Variants in SCML2 observed in about 807,000 individuals in gnomAD.
The protein encoded by SCML2 is sex comb on midleg-like protein 2.
Under a neutral mutation model 48.4 loss-of-function variants are expected in SCML2, and 6 were observed. The ratio of observed to expected loss-of-function variants is 0.12; its 90% CI spans 0.07 to 0.24. The LOEUF is 0.24. Among genes scored for constraint, SCML2 ranks in the 10% least tolerant of loss-of-function variants. The probability of loss-of-function intolerance (pLI) is 1.00; values close to 1 mark genes in which losing one functional copy is unlikely to be tolerated. For missense variants in SCML2, 377 were observed against 528.2 expected (o/e 0.71, Z 2.81); for synonymous variants, 181 against 189.5 (o/e 0.95, Z 0.37).
At chrX:18,291,574 C>T (rs754197269) in intron 7 of SCML2, among the ~76,000 whole-genome samples, 1 of 111,259 alleles carries the variant, frequency 9.0e-6, no homozygotes, top group Non-Finnish European at 1.9e-5. Context: ...ATAGATGCCT[C>T]GTTACATTTT....
chrX:18,286,971 G>A (rs1199121676), intron 7 of SCML2, among the ~76,000 whole-genome samples: 1 of 109,876 alleles, frequency 9.1e-6, no homozygotes, highest in Non-Finnish European at 1.9e-5. Flanking sequence ...TGAACCAGAG[G>A]GTTCTCTTCA....
At chrX:18,309,130 G>A (rs1928861116) in intron 6 of SCML2, among the ~76,000 whole-genome samples, 1 of 104,185 alleles carries the variant, frequency 9.6e-6, no homozygotes, top group African/African-American at 3.6e-5. Context: ...GAACCCGGGA[G>A]ACAGAGGATG....
rs1011740769 is a variant in SCML2, at chrX:18,239,323, C to A, written c.*1928G>T. 8.9e-6 allele frequency: 1 copy of A among 112,374 alleles called. No homozygotes were observed. Among genetic ancestry groups the A allele is most frequent in the Non-Finnish European group, 1.9e-5 (1 of 53,279 alleles). 9.3% of individuals were successfully genotyped at this position (112,374 alleles called of 1,213,427 possible). The stretch of plus-strand genomic sequence containing the variant: ...ATCTGAGGCTTTGAATGAATCGTTG[C>A]GATTAACTTTATTAATATTTTAAAA... On this transcript the variant is annotated 3_prime_UTR_variant, in exon 15 of 15. Coordinates refer to ENST00000251900, the MANE Select transcript of SCML2 (RefSeq NM_006089.3).
intron 7 of SCML2, among the ~76,000 whole-genome samples, chrX:18,299,933 T>C (rs911973300): frequency 1.8e-5 from 2 of 109,399 alleles, no homozygotes; most frequent in Non-Finnish European, 3.8e-5. Context: ...AGAGACAGAG[T>C]CTCACTGTGT....
At chrX:18,345,785 G>T (rs1180401536) in intron 1 of SCML2, among the ~76,000 whole-genome samples, 1 of 109,872 alleles carries the variant, frequency 9.1e-6, no homozygotes, top group African/African-American at 3.3e-5. Flanking sequence ...GGCATAATCA[G>T]GGCTCACTGC....
chrX:18,347,301 C>T (rs1186922551), intron 1 of SCML2, among the ~76,000 whole-genome samples: 1 of 108,379 alleles, frequency 9.2e-6, no homozygotes, highest in Non-Finnish European at 1.9e-5. Flanking sequence ...AAAAATTAGC[C>T]GGGTGTGGTG....
At chrX:18,329,759 T>C (rs1446760256) in intron 3 of SCML2, among the ~76,000 whole-genome samples, 1 of 112,549 alleles carries the variant, frequency 8.9e-6, no homozygotes, top group Non-Finnish European at 1.9e-5. Flanking sequence ...ATGAGATAAG[T>C]ACTATCATTA....
At chrX:18,270,913 C>G (rs185966014) in intron 7 of SCML2, among the ~76,000 whole-genome samples, 4 of 111,985 alleles carry the variant, frequency 3.6e-5, no homozygotes, top group Non-Finnish European at 7.5e-5. Flanking sequence ...TGCTACTCAT[C>G]TTTAATAAAA....
intron 7 of SCML2, among the ~76,000 whole-genome samples, chrX:18,267,710 C>T (rs921754734): frequency 1.8e-5 from 2 of 108,892 alleles, no homozygotes; most frequent in African/African-American, 3.4e-5. Context: ...CTCAGCATCC[C>T]GAGTAGCTGG....
Position 18,335,724 on chromosome X carries a change from C to T in SCML2, c.-24-1629G>A, listed in dbSNP as rs929067. On this transcript the variant is annotated intron_variant, in intron 1 of 14. Transcript: ENST00000251900. The stretch of plus-strand genomic sequence containing the variant: ...GAGTGAAAATACGTATACAGATGAT[C>T]GAAAATACATACTTGAAGAAAACCT... 7.3e-3 allele frequency among the ~76,000 whole-genome samples: 807 copies of T among 110,753 alleles called. 6 individuals carry two copies. The highest frequency in any genetic ancestry group is 0.026 in the African/African-American group (776 of 30,419).
chrX:18,292,057 A>G (rs1928249691), intron 7 of SCML2, among the ~76,000 whole-genome samples: 1 of 112,100 alleles, frequency 8.9e-6, no homozygotes, highest in Admixed American at 9.5e-5. Context: ...CAGGCAAACT[A>G]TAAAGGAATA....
chrX:18,244,695 CAATA>C (rs918325131), intron 13 of SCML2, among the ~76,000 whole-genome samples: 13 of 111,152 alleles, frequency 1.2e-4, no homozygotes, highest in African/African-American at 4.2e-4. Context: ...ACTGGCATAT[CAATA>C]AATATTTCTA....
intron 7 of SCML2, among the ~76,000 whole-genome samples, chrX:18,289,298 T>C (rs928516499): frequency 5.3e-5 from 6 of 112,361 alleles, no homozygotes; most frequent in Admixed American, 1.9e-4. Flanking sequence ...AAATTTTTTT[T>C]CCAAGATGCT....
intron 7 of SCML2, among the ~76,000 whole-genome samples, chrX:18,293,020 GAGAAA>G (rs972387322): frequency 1.8e-5 from 2 of 111,445 alleles, no homozygotes; most frequent in South Asian, 3.7e-4. Context: ...ATATGTGTAA[GAGAAA>G]AGAAAAGTAG....
intron 6 of SCML2, among the ~76,000 whole-genome samples, chrX:18,319,745 C>CA (rs1409735931): frequency 9.0e-6 from 1 of 111,618 alleles, no homozygotes. Flanking sequence ...GAAGCACCAA[C>CA]CCCCAACATA....
intron 6 of SCML2, among the ~76,000 whole-genome samples, chrX:18,308,398 G>A (rs5909174): frequency 0.21 from 22,415 of 107,432 alleles, 1,872 homozygotes; most frequent in Middle Eastern, 0.31. Context: ...CCTACAGAAA[G>A]GGAGAAAGAA....
chrX:18,278,079 G>C (rs1010011998), intron 7 of SCML2, among the ~76,000 whole-genome samples: 4 of 112,251 alleles, frequency 3.6e-5, no homozygotes, highest in Non-Finnish European at 7.5e-5. Flanking sequence ...GATCACTTGA[G>C]CCTGGAAGGC....
intron 11 of SCML2, among the ~76,000 whole-genome samples, chrX:18,249,599 G>A: frequency 9.0e-6 from 1 of 111,390 alleles, no homozygotes; most frequent in East Asian, 2.8e-4. Flanking sequence ...TACCAGTCAG[G>A]GCTAACAACA....
At chrX:18,263,278 G>A (rs1927141285) in intron 8 of SCML2, among the ~76,000 whole-genome samples, 2 of 110,557 alleles carry the variant, frequency 1.8e-5, no homozygotes, top group Admixed American at 9.7e-5. Flanking sequence ...TATCCCCCAC[G>A]TCAGGCCTTT....
Sources: allele counts gnomAD v4.1 joint callset (sites outside exome capture counted in the v4.1 genomes callset), GRCh38; gene constraint gnomAD v4.1.1; transcripts MANE v1.5; gene names NCBI Gene and HGNC (gene_info 2026-07-23, HGNC 2026-07-21).